Variants in TENM3 observed in about 807,000 individuals in gnomAD.
The protein encoded by TENM3 is teneurin-3.
TENM3 carries 63 observed loss-of-function variants against 255.1 expected under a neutral mutation model. The ratio of observed to expected loss-of-function variants is 0.25; its 90% CI spans 0.20 to 0.30. The LOEUF is 0.30. Among genes scored for constraint, TENM3 ranks in the 10% least tolerant of loss-of-function variants. TENM3 has a pLI of 1.00. For missense variants in TENM3, 2,929 were observed against 3,461.1 expected, an observed-to-expected ratio of 0.85 and a Z score of 3.86; for synonymous variants, 1,306 against 1,322.3, an observed-to-expected ratio of 0.99 and a Z score of 0.27.
intron 1 of TENM3, among the ~76,000 whole-genome samples, chr4:182,252,468 A>T (rs1225762100): frequency 6.6e-6 from 1 of 152,214 alleles, no homozygotes; most frequent in Admixed American, 6.5e-5. Flanking sequence ...AAAATACATG[A>T]ATATTAAAAT....
At position 182,738,434 on chromosome 4, in the gene TENM3, A is replaced by G; in HGVS notation, c.3269A>G (p.Asp1090Gly). ...GGATATGAGTATGAGTCGTGTTTGG[A>G]CCTGACTCTGTGGGAAAAGAGGACT... ...SVGYEYESCLDLTLWEKRTAI... is the reference protein window; with the variant it reads ...SVGYEYESCLGLTLWEKRTAI... Residue 1090 changes from aspartate to glycine, a missense_variant, in exon 18 of 28, where the codon GAC becomes GGC. This residue lies in a region of TENM3 where 1,608 missense variants were observed against 1,884.4 expected (regional missense o/e 0.85). Coordinates refer to ENST00000511685, the MANE Select transcript of TENM3 (RefSeq NM_001080477.4). 1.2e-6 allele frequency: 2 copies of G among 1,612,958 alleles called. No homozygotes were observed. Among genetic ancestry groups the G allele is most frequent in the Non-Finnish European group, 1.7e-6 (2 of 1,179,418 alleles).
At chr4:181,739,831 C>T in the TENM3 span, among the ~76,000 whole-genome samples, 1 of 152,108 alleles carries the variant, frequency 6.6e-6, no homozygotes. Context: ...TTAACATAGC[C>T]ATTGAAATTT....
At chr4:181,769,206 G>GA in the TENM3 span, among the ~76,000 whole-genome samples, 1 of 152,110 alleles carries the variant, frequency 6.6e-6, no homozygotes, top group Non-Finnish European at 1.5e-5. Flanking sequence ...GAAGAATCTC[G>GA]AAAAAGCATA....
the TENM3 span, among the ~76,000 whole-genome samples, chr4:182,108,531 T>A: frequency 3.9e-5 from 6 of 152,186 alleles, no homozygotes; most frequent in Non-Finnish European, 5.9e-5. Context: ...GCGTTAAGCA[T>A]CTACACTAAT....
At chr4:182,335,856 A>G (rs7669247) in intron 2 of TENM3, among the ~76,000 whole-genome samples, 98,728 of 152,058 alleles carry the variant, frequency 0.65, 32,130 homozygotes, top group Non-Finnish European at 0.68. Context: ...AAACAGCCCA[A>G]TGGGAAATGG....
exon 1 of TENM3, chr4:182,144,730 C>G (rs986811582): frequency 2.7e-5 from 4 of 145,558 alleles, no homozygotes; most frequent in African/African-American, 9.9e-5. Context: ...GGGAGCGAGC[C>G]GGCGGCGCGG....
chr4:182,348,491 A>G (rs2150683872), intron 3 of TENM3, among the ~76,000 whole-genome samples: 1 of 152,308 alleles, frequency 6.6e-6, no homozygotes, highest in Admixed American at 6.5e-5. Flanking sequence ...TAATTTTCTT[A>G]AAATACACAA....
At chr4:182,752,146 C>A in intron 20 of TENM3, 114 bp downstream of exon 20, 1 of 681,846 alleles carries the variant, frequency 1.5e-6, no homozygotes, top group South Asian at 2.3e-5. Flanking sequence ...AACTTTTTAC[C>A]TTTGACAGTG....
At chr4:182,145,405 C>T (rs1321173728) in intron 1 of TENM3, among the ~76,000 whole-genome samples, 1 of 152,216 alleles carries the variant, frequency 6.6e-6, no homozygotes, top group African/African-American at 2.4e-5. Flanking sequence ...TCAAAAATTA[C>T]GAATTTATGA....
chr4:182,449,324 C>A (rs941161121), intron 3 of TENM3, among the ~76,000 whole-genome samples: 1 of 150,624 alleles, frequency 6.6e-6, no homozygotes, highest in African/African-American at 2.4e-5. Flanking sequence ...GATGAGGTGG[C>A]TTTTTAACCC....
chr4:182,241,519 T>TTTTC (rs1491269218), upstream of TENM3, among the ~76,000 whole-genome samples: 2 of 63,308 alleles, frequency 3.2e-5, no homozygotes, highest in African/African-American at 2.2e-4. Context: ...TTTTTCTTTC[T>TTTTC]TTTTTTTTTT....
chr4:182,087,457 G>T, the TENM3 span, among the ~76,000 whole-genome samples: 1 of 152,138 alleles, frequency 6.6e-6, no homozygotes, highest in African/African-American at 2.4e-5. Context: ...CCAGGAGATC[G>T]TTTGGTGCTT....
At chr4:181,911,095 A>C in the TENM3 span, among the ~76,000 whole-genome samples, 4 of 152,216 alleles carry the variant, frequency 2.6e-5, no homozygotes, top group African/African-American at 9.6e-5. Flanking sequence ...TTTCATGTTT[A>C]ACCCTCTCAA....
At position 182,161,791 on chromosome 4, in the gene TENM3, A is replaced by ATATACACATATATATG. The variant is rs1561153404; in HGVS notation, c.-76+17038_-76+17039insATACACATATATATGT. ...TGTGTATATATATATACACAAATAT[A>ATATACACATATATATG]TGTATATATATACACATATATATGT... On this transcript the variant is annotated intron_variant, in intron 1 of 2. Coordinates refer to the TENM3 transcript ENST00000512480. Among the ~76,000 whole-genome samples the ATATACACATATATATG allele has an allele frequency of 5.8e-5, 2 of 34,274 alleles. 1 individual carries two copies. Among genetic ancestry groups the ATATACACATATATATG allele is most frequent in the Non-Finnish European group, 9.3e-5 (2 of 21,444 alleles). The allele number at this position is 34,274 out of a possible 152,430, so 22.5% of individuals were successfully genotyped here. A position where few individuals can be genotyped will look rare whatever the true frequency, so the allele number is the denominator to read the frequency against.
At chr4:181,746,993 T>C in the TENM3 span, among the ~76,000 whole-genome samples, 1 of 152,092 alleles carries the variant, frequency 6.6e-6, no homozygotes, top group East Asian at 1.9e-4. Context: ...TGCATATGTA[T>C]ATATTTGAGA....
chr4:182,496,083 T>G (rs1243353862), intron 3 of TENM3, among the ~76,000 whole-genome samples: 1 of 152,218 alleles, frequency 6.6e-6, no homozygotes, highest in Non-Finnish European at 1.5e-5. Flanking sequence ...AGTTAATTTA[T>G]TCAGCATTTT....
At chr4:182,055,632 C>G in the TENM3 span, among the ~76,000 whole-genome samples, 3 of 152,220 alleles carry the variant, frequency 2.0e-5, no homozygotes, top group Admixed American at 1.3e-4. Flanking sequence ...ATTTCCTGCT[C>G]TCTTATTCAG....
intron 3 of TENM3, among the ~76,000 whole-genome samples, chr4:182,591,099 C>A (rs1560971444): frequency 6.6e-6 from 1 of 152,108 alleles, no homozygotes; most frequent in African/African-American, 2.4e-5. Flanking sequence ...AAAGTAAACA[C>A]TCAAGAGATG....
intron 4 of TENM3, among the ~76,000 whole-genome samples, chr4:182,618,950 G>GA (rs977381191): frequency 4.6e-5 from 7 of 152,010 alleles, no homozygotes; most frequent in African/African-American, 1.7e-4. Flanking sequence ...CGGGGGTGGG[G>GA]GTTGGGAGCA....
Sources: allele counts gnomAD v4.1 joint callset (sites outside exome capture counted in the v4.1 genomes callset), GRCh38; gene constraint gnomAD v4.1.1; regional missense constraint gnomAD v4.1.1; transcripts MANE v1.5; gene names NCBI Gene and HGNC (gene_info 2026-07-23, HGNC 2026-07-21).